Variants in IKZF4 observed in about 807,000 individuals in gnomAD.
The protein encoded by IKZF4 is IKAROS family zinc finger 4, also known as zinc finger protein Eos.
A neutral mutation model predicts 47.7 loss-of-function variants in IKZF4; 11 were observed. That is an observed-to-expected ratio of 0.23 (90% CI 0.15 to 0.38). The LOEUF is 0.38. IKZF4 is among the 10% of genes least tolerant of loss of function. The pLI, the probability that IKZF4 is intolerant of heterozygous loss-of-function variation, is 1.00. For synonymous variants in IKZF4, 298 were observed against 299.4 expected (o/e 1.00, Z 0.05); for missense variants, 557 against 784.9 (o/e 0.71, Z 3.47).
chr12:56,017,747 G>A (rs538201901), upstream of IKZF4, among the ~76,000 whole-genome samples: 1 of 152,308 alleles, frequency 6.6e-6, no homozygotes, highest in Admixed American at 6.5e-5. Flanking sequence ...CTGGAGTGCA[G>A]TGGTAAGATC....
At chr12:56,009,407 G>T (rs898033756) in intron 1 of IKZF4, among the ~76,000 whole-genome samples, 5 of 152,134 alleles carry the variant, frequency 3.3e-5, no homozygotes, top group Non-Finnish European at 4.4e-5. Context: ...GGGGTGTATG[G>T]TAATCCCTCA....
chr12:56,025,329 A>G lies in IKZF4; in HGVS notation c.286+171A>G, dbSNP rs531750387. 6.6e-5 allele frequency among the ~76,000 whole-genome samples: 10 copies of G among 152,314 alleles called. No individual in the cohort carries two copies. The South Asian group carries it at 1.7e-3, about 25-fold the overall frequency. On this transcript the variant is annotated intron_variant, in intron 3 of 7. Transcript: ENST00000547167. The stretch of plus-strand genomic sequence containing the variant: ...GTCTAGGGTTTTTCTGGCTTCTGAA[A>G]GGAGAGTGAATAGTCAGTCACTGGC...
At chr12:56,028,243 T>A (rs1379675751) in intron 5 of IKZF4, among the ~76,000 whole-genome samples, 1 of 151,888 alleles carries the variant, frequency 6.6e-6, no homozygotes, top group Admixed American at 6.6e-5. Flanking sequence ...CGGTCACCCT[T>A]GGCCTGGCGC....
At position 56,026,961 on chromosome 12, in the gene IKZF4, A is replaced by G. The variant is rs775307523; in HGVS notation, c.467A>G (p.Asn156Ser). ...TCCCCTGGGGGCATCCGGCTGCCCA[A>G]TGGCAAGCTCAAGTGTGACGTCTGC... is the stretch of plus-strand genomic sequence containing the variant. The part of the protein sequence containing the change: ...PHSPGGIRLP[N>S]GKLKCDVCGM... Residue 156 changes from asparagine (N) to serine (S), a missense_variant, in exon 4 of 8, where the codon AAT (asparagine) becomes AGT (serine). Asn to Ser is a conservative substitution (Grantham distance 46, BLOSUM62 1). Coordinates refer to ENST00000547167, the MANE Select transcript of IKZF4 (RefSeq NM_022465.4). 3 of 1,611,402 alleles carry G rather than the reference A, an allele frequency of 1.9e-6. No homozygotes were observed. The highest frequency in any genetic ancestry group is 2.2e-5 in the South Asian group (2 of 90,498).
intron 2 of IKZF4, among the ~76,000 whole-genome samples, chr12:56,014,636 A>T (rs1371830014): frequency 2.6e-5 from 4 of 152,228 alleles, no homozygotes; most frequent in Admixed American, 1.3e-4. Flanking sequence ...ACCTGATGTT[A>T]GAACCAGGGA....
chr12:56,020,185 G>T (rs1241525093), upstream of IKZF4, among the ~76,000 whole-genome samples: 1 of 152,262 alleles, frequency 6.6e-6, no homozygotes, highest in Admixed American at 6.5e-5. Context: ...GCCACTTGAT[G>T]AAAAGGGTAT....
intron 5 of IKZF4, among the ~76,000 whole-genome samples, chr12:56,031,200 G>A (rs1048576634): frequency 2.6e-5 from 4 of 151,860 alleles, no homozygotes; most frequent in Non-Finnish European, 5.9e-5. Context: ...GCAGTGAGCC[G>A]AGATCGTGCC....
rs1892982704 is a variant in IKZF4 at position 56,021,595 on chromosome 12, A to G, written c.87+15A>G. ...GGAAGGATAATGTAAGTTCAGGCAG[A>G]AGGCGGCTAGTGGAGGGAGGAAGGG... On this transcript the variant is annotated intron_variant, in intron 1 of 7. Transcript: ENST00000547167. 6.3e-7 allele frequency: 1 copy of G among 1,589,336 alleles called. No individual in the cohort carries two copies. The highest frequency in any genetic ancestry group is 2.3e-5 in the East Asian group (1 of 43,618).
chr12:56,033,534 C>T (rs1895201609), intron 7 of IKZF4, among the ~76,000 whole-genome samples: 2 of 151,974 alleles, frequency 1.3e-5, no homozygotes, highest in Non-Finnish European at 1.5e-5. Flanking sequence ...AGTGAAACCC[C>T]CTCTCTACTA....
intron 7 of IKZF4, among the ~76,000 whole-genome samples, 155 bp downstream of exon 7, chr12:56,033,476 G>C (rs1895189801): frequency 6.6e-6 from 1 of 152,158 alleles, no homozygotes; most frequent in African/African-American, 2.4e-5. Context: ...GGGAGGCCAA[G>C]GTGGGCAGAT....
At chr12:56,009,727 AAAAT>A (rs1891119175) in intron 1 of IKZF4, among the ~76,000 whole-genome samples, 1 of 152,230 alleles carries the variant, frequency 6.6e-6, no homozygotes, top group Non-Finnish European at 1.5e-5. Context: ...TCTCAAACAC[AAAAT>A]ATAATGTCTT....
chr12:56,034,552 G>A lies in IKZF4; in HGVS notation c.998-19G>A. ...GGAATTCTCCAAACCCAGCCCTGCTGAGTTCCTGTTCTCCACAGGCGAAAA... is the reference window on the plus strand; with the variant it reads ...GGAATTCTCCAAACCCAGCCCTGCTAAGTTCCTGTTCTCCACAGGCGAAAA... On this transcript the variant is annotated intron_variant, in intron 7 of 7. Transcript: ENST00000547167. The A allele has an allele frequency of 6.3e-7, 1 of 1,580,250 alleles. No individual in the cohort carries two copies. The highest frequency in any genetic ancestry group is 8.6e-7 in the Non-Finnish European group (1 of 1,161,492).
chr12:56,014,785 A>AAAAAC (rs1357791469), intron 2 of IKZF4, among the ~76,000 whole-genome samples: 236 of 152,012 alleles, frequency 1.6e-3, no homozygotes, highest in Non-Finnish European at 2.7e-3. Context: ...GTCTCAAAAA[A>AAAAAC]AAAAACAAAA....
chr12:56,021,322 CACACAT>C lies in IKZF4; in HGVS notation c.-167_-162del, dbSNP rs1892908406. ...CACACACACACACACACACACTCAA[CACACAT>C]ACACCCTGGGCTGAGCTGCTCTTGC... On this transcript the variant is annotated 5_prime_UTR_variant, in exon 1 of 8. Coordinates refer to ENST00000547167, the MANE Select transcript of IKZF4 (RefSeq NM_022465.4). 7.1e-7 allele frequency: 1 copy of C among 1,404,150 alleles called. No individual in the cohort carries two copies. The highest frequency in any genetic ancestry group is 2.2e-5 in the Admixed American group (1 of 45,814). 87.0% of individuals were successfully genotyped at this position (1,404,150 alleles called of 1,614,324 possible). A position where few individuals can be genotyped will look rare whatever the true frequency, so the allele number is the denominator to read the frequency against.
At chr12:56,014,379 C>T (rs1176318722) in intron 2 of IKZF4, among the ~76,000 whole-genome samples, 2 of 152,128 alleles carry the variant, frequency 1.3e-5, no homozygotes, top group East Asian at 3.9e-4. Flanking sequence ...GGGCAAAAGT[C>T]CAAGAATGAG....
chr12:56,033,249 C>G lies in IKZF4; in HGVS notation c.925C>G (p.Arg309Gly). The change falls in exon 7 of 8, where the codon CGG becomes GGG. Residue 309 changes from arginine (R) to glycine (G), a missense_variant. Arg to Gly is a moderately radical substitution (Grantham distance 125, BLOSUM62 -2). Around this residue, in one of 6 missense-constraint regions of IKZF4, gnomAD observed 280 missense variants for 314.0 expected, o/e 0.89. Coordinates refer to ENST00000547167, the MANE Select transcript of IKZF4 (RefSeq NM_022465.4). ...PDSMLHSSSE[R>G]PTFIDRLANS... The stretch of plus-strand genomic sequence containing the variant: ...CTCCATGCTGCACTCATCCTCTGAG[C>G]GGCCAACTTTCATCGATCGTCTGGC... The G allele has an allele frequency of 6.2e-7, 1 of 1,614,016 alleles. No homozygotes were observed.
chr12:56,024,865 CA>C, intron 2 of IKZF4, 188 bp from the exon 3 acceptor site: 1 of 1,472,880 alleles, frequency 6.8e-7, no homozygotes, highest in Non-Finnish European at 9.0e-7. Context: ...ACTGAGCTCA[CA>C]GAAGGCAGCA....
At chr12:56,024,984 A>G in intron 2 of IKZF4, 70 bp from the exon 3 acceptor site, 1 of 1,549,850 alleles carries the variant, frequency 6.5e-7, no homozygotes, top group South Asian at 1.2e-5. Flanking sequence ...AATTTTTTTA[A>G]AAGATTAGGC....
chr12:56,020,467 T>C (rs182302465), upstream of IKZF4, among the ~76,000 whole-genome samples: 71 of 152,316 alleles, frequency 4.7e-4, no homozygotes, highest in African/African-American at 1.7e-3. Context: ...TGTGAAATGT[T>C]TTAGAGAACT....
Sources: allele counts gnomAD v4.1 joint callset (sites outside exome capture counted in the v4.1 genomes callset), GRCh38; gene constraint gnomAD v4.1.1; regional missense constraint gnomAD v4.1.1; transcripts MANE v1.5; gene names NCBI Gene and HGNC (gene_info 2026-07-23, HGNC 2026-07-21).